TMEM51: variants seen among roughly 807,000 people sequenced by gnomAD.
The protein encoded by TMEM51 is transmembrane protein 51.
TMEM51 carries 8 observed loss-of-function variants against 13.6 expected under a neutral mutation model. The ratio of observed to expected loss-of-function variants is 0.59; its 90% CI spans 0.35 to 1.07. The LOEUF (loss-of-function observed/expected upper bound fraction) is 1.07, where lower values mean the gene tolerates loss of function less well. TMEM51 is among the 50% of genes least tolerant of loss of function. The pLI, the probability that TMEM51 is intolerant of heterozygous loss-of-function variation, is 0.02. For missense variants in TMEM51, 279 were observed against 330.7 expected (o/e 0.84, Z 1.21); for synonymous variants, 147 against 144.4 (o/e 1.02, Z -0.13).
chr1:15,163,318 C>T (rs1011402298), intron 1 of TMEM51, among the ~76,000 whole-genome samples: 2 of 152,004 alleles, frequency 1.3e-5, no homozygotes, highest in Non-Finnish European at 2.9e-5. Flanking sequence ...AGGATCAAGC[C>T]AAAGCTAAGC....
chr1:15,218,726 GTGCCATGACAGTTTACAAT>G (rs1200269051), intron 3 of TMEM51, among the ~76,000 whole-genome samples: 9 of 152,124 alleles, frequency 5.9e-5, no homozygotes, highest in Non-Finnish European at 1.0e-4. Context: ...ACTCTCACCA[GTGCCATGACAGTTTACAAT>G]TGCCATGACA....
At position 15,161,929 on chromosome 1, in the gene TMEM51, A is replaced by G. The variant is rs902971994; in HGVS notation, c.-267+7975A>G. Among the ~76,000 whole-genome samples the G allele has an allele frequency of 6.6e-6, 1 of 152,026 alleles. No homozygotes were observed. Among genetic ancestry groups the G allele is most frequent in the Admixed American group, 6.6e-5 (1 of 15,264 alleles). ...AGCGACAGAGCAAGACTCCATCTCAAAAAAAGAGAGAAAGAGGTTTATTTA... is the reference window on the plus strand; with the variant it reads ...AGCGACAGAGCAAGACTCCATCTCAGAAAAAGAGAGAAAGAGGTTTATTTA... On this transcript the variant is annotated intron_variant, in intron 1 of 3. Transcript: ENST00000376008. This position sits in a 1 kb window ranked among gnomAD's most constrained non-coding sequence, Gnocchi z 4.0.
chr1:15,171,097 C>A, intron 1 of TMEM51: 1 of 918,454 alleles, frequency 1.1e-6, no homozygotes, highest in East Asian at 6.2e-5. Context: ...GGTCCTCCCT[C>A]CTCCTCCACC....
intron 1 of TMEM51, among the ~76,000 whole-genome samples, chr1:15,209,829 C>T (rs1644309935): frequency 6.6e-6 from 1 of 152,108 alleles, no homozygotes; most frequent in Admixed American, 6.6e-5. Context: ...GTCAGGAGTT[C>T]GGACCAGCAT....
At chr1:15,188,273 A>G (rs114986361) in intron 1 of TMEM51, among the ~76,000 whole-genome samples, 358 of 152,244 alleles carry the variant, frequency 2.4e-3, no homozygotes, top group African/African-American at 8.2e-3. Context: ...CTGCAAACCC[A>G]GAGGGACAGG....
At chr1:15,179,003 A>C (rs975343858) in intron 1 of TMEM51, among the ~76,000 whole-genome samples, 1 of 152,194 alleles carries the variant, frequency 6.6e-6, no homozygotes, top group Non-Finnish European at 1.5e-5. Flanking sequence ...CTAAATGGAA[A>C]TCAAAATGTG....
intron 1 of TMEM51, among the ~76,000 whole-genome samples, chr1:15,172,456 A>T (rs923123646): frequency 1.3e-5 from 2 of 151,172 alleles, no homozygotes; most frequent in Non-Finnish European, 2.9e-5. Context: ...GAAAGGAAGG[A>T]AGGAGAGAGA....
intron 1 of TMEM51, among the ~76,000 whole-genome samples, chr1:15,209,030 A>C (rs997828553): frequency 6.6e-6 from 1 of 151,306 alleles, no homozygotes; most frequent in African/African-American, 2.4e-5. Flanking sequence ...ACTATTCTTC[A>C]CTCTTCATTT....
chr1:15,173,060 G>A (rs1053677716), intron 1 of TMEM51, among the ~76,000 whole-genome samples: 1 of 152,116 alleles, frequency 6.6e-6, no homozygotes, highest in African/African-American at 2.4e-5. Context: ...TGTGGGAACC[G>A]AATGAGGCCA....
Position 15,215,260 on chromosome 1 carries a change from T to A in TMEM51, c.173T>A (p.Leu58His). 1.9e-6 allele frequency: 3 copies of A among 1,614,178 alleles called. No homozygotes were observed. Among genetic ancestry groups the A allele is most frequent in the Non-Finnish European group, 1.7e-6 (2 of 1,180,022 alleles). Reference sequence around the variant, plus strand: ...AAGACCGAGGTGGGTGGCGGCATCCTCAAGAGCAAGACCTTCTCTGTGGCC... The same window carrying A: ...AAGACCGAGGTGGGTGGCGGCATCCACAAGAGCAAGACCTTCTCTGTGGCC... ...SNKTEVGGGI[L>H]KSKTFSVAYV... Residue 58 changes from leucine to histidine, a missense_variant, in exon 3 of 4, where the codon CTC becomes CAC. Physicochemically the swap from Leu to His is moderately conservative, Grantham distance 99 (BLOSUM62 -3). Coordinates refer to ENST00000376008, the MANE Select transcript of TMEM51 (RefSeq NM_001136218.2).
At chr1:15,166,966 A>G (rs1643025124) in intron 1 of TMEM51, among the ~76,000 whole-genome samples, 1 of 152,056 alleles carries the variant, frequency 6.6e-6, no homozygotes, top group Non-Finnish European at 1.5e-5. Context: ...TGCCCTTTCC[A>G]GGATATCACG....
rs199958353 is a variant in TMEM51 at position 15,219,763 on chromosome 1, G to C, written c.*20G>C. On this transcript the variant is annotated 3_prime_UTR_variant, in exon 4 of 4. Transcript: ENST00000376008. ...GACTGAATGGCCCCACTTGAGCCAC[G>C]CTCCCTCCTGTCTCTCACACCTTTC... 2 of 1,607,552 alleles carry C rather than the reference G, an allele frequency of 1.2e-6. No individual in the cohort carries two copies. The highest frequency in any genetic ancestry group is 1.7e-5 in the Admixed American group (1 of 59,450).
In TMEM51 at chr1:15,219,767, C is replaced by T; in HGVS notation, c.*24C>T. ...GAATGGCCCCACTTGAGCCACGCTCCCTCCTGTCTCTCACACCTTTCACCC... is the reference window on the plus strand; with the variant it reads ...GAATGGCCCCACTTGAGCCACGCTCTCTCCTGTCTCTCACACCTTTCACCC... On this transcript the variant is annotated 3_prime_UTR_variant, in exon 4 of 4. Transcript: ENST00000376008. The T allele has an allele frequency of 6.2e-7, 1 of 1,604,950 alleles. No individual in the cohort carries two copies. The highest frequency in any genetic ancestry group is 8.5e-7 in the Non-Finnish European group (1 of 1,175,570).
intron 1 of TMEM51, among the ~76,000 whole-genome samples, chr1:15,186,527 C>T (rs1643781702): frequency 6.6e-6 from 1 of 152,108 alleles, no homozygotes; most frequent in Non-Finnish European, 1.5e-5. Flanking sequence ...AGTGACTCTG[C>T]CGATAGGGGA....
chr1:15,155,020 T>C (rs1007228898), intron 1 of TMEM51, among the ~76,000 whole-genome samples: 1 of 152,158 alleles, frequency 6.6e-6, no homozygotes. Flanking sequence ...GAACAGCTTG[T>C]CTAGGGAACT....
chr1:15,169,917 C>A (rs1643179259), intron 1 of TMEM51, among the ~76,000 whole-genome samples: 2 of 152,156 alleles, frequency 1.3e-5, no homozygotes, highest in Admixed American at 1.3e-4. Context: ...TATTCCCTTT[C>A]TCCCTGTCTT....
rs573340275 is a variant in TMEM51, at chr1:15,202,351, C to T, written c.-266-8139C>T. ...TACACAGGTGTGAACGGGAATGCCACCTGCAGGAGTTGCCTGGGTCTGCCA... is the reference window on the plus strand; with the variant it reads ...TACACAGGTGTGAACGGGAATGCCATCTGCAGGAGTTGCCTGGGTCTGCCA... On this transcript the variant is annotated intron_variant, in intron 1 of 3. Transcript: ENST00000376008. Among the ~76,000 whole-genome samples the T allele has an allele frequency of 5.9e-5, 9 of 152,292 alleles. No individual in the cohort carries two copies. In the South Asian group the frequency reaches 1.9e-3, roughly 32 times the overall value.
intron 1 of TMEM51, among the ~76,000 whole-genome samples, chr1:15,173,927 C>T (rs1405126814): frequency 6.6e-6 from 1 of 152,226 alleles, no homozygotes; most frequent in Non-Finnish European, 1.5e-5. Flanking sequence ...TGGAAGGTTT[C>T]ATAACACCTG....
chr1:15,170,346 GT>G lies in TMEM51; in HGVS notation c.-267+16401del, dbSNP rs1553198644. On this transcript the variant is annotated intron_variant, in intron 1 of 3. Coordinates refer to ENST00000376008, the MANE Select transcript of TMEM51 (RefSeq NM_001136218.2). Reference sequence around the variant, plus strand: ...AGCTAGGTGCCTGGGATACTGCTGGGTTTTTTTTTATCTTTTTTTTTTTTTG... The same window carrying G: ...AGCTAGGTGCCTGGGATACTGCTGGGTTTTTTTTATCTTTTTTTTTTTTTG... 1.6e-5 allele frequency among the ~76,000 whole-genome samples: 2 copies of G among 122,934 alleles called. 1 individual carries two copies. The highest frequency in any genetic ancestry group is 5.3e-5 in the African/African-American group (2 of 38,076). The allele number at this position is 122,934 out of a possible 152,430, so 80.6% of individuals were successfully genotyped here. A position where few individuals can be genotyped will look rare whatever the true frequency, so the allele number is the denominator to read the frequency against.
Sources: allele counts gnomAD v4.1 joint callset (sites outside exome capture counted in the v4.1 genomes callset), GRCh38; gene constraint gnomAD v4.1.1; non-coding constraint Gnocchi (gnomAD v3.1); transcripts MANE v1.5; gene names NCBI Gene and HGNC (gene_info 2026-07-23, HGNC 2026-07-21).